Variants in BBS2 observed in about 807,000 individuals in gnomAD.
BBS2 encodes the protein Bardet-Biedl syndrome 2.
Under a neutral mutation model 83.0 loss-of-function variants are expected in BBS2, and 62 were observed. That is an observed-to-expected ratio of 0.75 (90% CI 0.61 to 0.92). The LOEUF is 0.92. BBS2 is among the 40% of genes least tolerant of loss of function. The pLI is 0.00. For synonymous variants in BBS2, 303 were observed against 326.1 expected (o/e 0.93, Z 0.76); for missense variants, 784 against 901.0 (o/e 0.87, Z 1.66).
chr16:56,498,812 T>C, intron 12 of BBS2: 2 of 1,023,556 alleles, frequency 2.0e-6, no homozygotes, highest in Non-Finnish European at 2.7e-6. Flanking sequence ...CATTCATAAT[T>C]ATGCCTGGCC....
chr16:56,471,742 T>C (rs1963196208), intron 17 of BBS2, among the ~76,000 whole-genome samples: 1 of 152,236 alleles, frequency 6.6e-6, no homozygotes, highest in African/African-American at 2.4e-5. Flanking sequence ...CAAAACTGAC[T>C]GAACAGTCAC....
At chr16:56,475,478 C>G (rs375629494) in intron 17 of BBS2, 2 of 1,609,442 alleles carry the variant, frequency 1.2e-6, no homozygotes, top group African/African-American at 2.7e-5. Flanking sequence ...TAGGAGCTTT[C>G]TGAATGCTGT....
At chr16:56,507,861 G>C (rs1233531284) in intron 5 of BBS2, among the ~76,000 whole-genome samples, 1 of 152,050 alleles carries the variant, frequency 6.6e-6, no homozygotes, top group Non-Finnish European at 1.5e-5. Context: ...CCAGCTACTC[G>C]GGAGGCTGAG....
intron 5 of BBS2, among the ~76,000 whole-genome samples, chr16:56,508,102 ATAT>A (rs1402099803): frequency 1.3e-5 from 2 of 152,256 alleles, no homozygotes; most frequent in African/African-American, 4.8e-5. Context: ...AACTGTGAAT[ATAT>A]AAAAAGTATA....
Position 56,501,564 on chromosome 16 carries a change from A to C in BBS2, c.1081-67T>G, listed in dbSNP as rs1224766113. ...ACTGAACTAATATCAATTTTAAATA[A>C]TATTGCTATTCAGCTTCAAAAGACA... On this transcript the variant is annotated intron_variant, in intron 9 of 16. Transcript: ENST00000245157. The C allele has an allele frequency of 2.5e-6, 4 of 1,596,152 alleles. No individual in the cohort carries two copies. In the African/African-American group the frequency reaches 4.0e-5, roughly 16 times the overall value.
intron 9 of BBS2, 91 bp downstream of exon 9, chr16:56,502,226 G>C: frequency 6.4e-7 from 1 of 1,556,478 alleles, no homozygotes; most frequent in Non-Finnish European, 8.9e-7. Flanking sequence ...CCCTGGCAAT[G>C]ACACTCTCAT....
downstream of BBS2, among the ~76,000 whole-genome samples, chr16:56,480,359 A>AAAAACAAAAAAC (rs1555519793): frequency 7.7e-5 from 11 of 142,860 alleles, no homozygotes; most frequent in East Asian, 4.1e-4. Context: ...ACACAAAAAA[A>AAAAACAAAAAAC]AAAAAACAAA....
chr16:56,518,402 T>C (rs1964811975), intron 1 of BBS2, among the ~76,000 whole-genome samples: 1 of 152,216 alleles, frequency 6.6e-6, no homozygotes, highest in African/African-American at 2.4e-5. Context: ...CTCTCTGAAC[T>C]GCAATTTCTA....
Position 56,499,855 on chromosome 16 carries a change from A to T in BBS2, c.1450T>A (p.Tyr484Asn). ...STRQLPRFSM[Y>N]ALTSLDPASE... is the part of the protein sequence containing the mutation. ...GCAGGGTCCAGGCTGGTCAGCGCAT[A>T]CATGGAGAATCGAGGGAGCTGTCTT... is the stretch of plus-strand genomic sequence containing the variant. The change falls in exon 12 of 17, where the codon TAT becomes AAT. Residue 484 changes from tyrosine to asparagine, a missense_variant. Physicochemically the swap from Tyr to Asn is moderately radical, Grantham distance 143. Coordinates refer to ENST00000245157, the MANE Select transcript of BBS2 (RefSeq NM_031885.5). 6.2e-7 allele frequency: 1 copy of T among 1,614,202 alleles called. No individual in the cohort carries two copies. The highest frequency in any genetic ancestry group is 8.5e-7 in the Non-Finnish European group (1 of 1,180,028).
chr16:56,490,072 T>G (rs1224820330), intron 15 of BBS2, among the ~76,000 whole-genome samples: 1 of 151,700 alleles, frequency 6.6e-6, no homozygotes, highest in Non-Finnish European at 1.5e-5. Context: ...AGCTGTGATC[T>G]CTCTGCACTC....
chr16:56,511,432 C>T (rs1214543719), intron 2 of BBS2, 148 bp from the exon 3 acceptor site: 1 of 1,005,604 alleles, frequency 9.9e-7, no homozygotes, highest in African/African-American at 1.6e-5. Flanking sequence ...ATTAACTGGC[C>T]CACGCACATA....
intron 15 of BBS2, among the ~76,000 whole-genome samples, chr16:56,495,335 T>C (rs1378284453): frequency 6.6e-6 from 1 of 152,140 alleles, no homozygotes; most frequent in Non-Finnish European, 1.5e-5. Context: ...CAATCAAAAA[T>C]TGCATGCTTC....
At chr16:56,470,600 T>C in exon 18 of BBS2, 1 of 1,614,216 alleles carries the variant, frequency 6.2e-7, no homozygotes, top group African/African-American at 1.3e-5. Context: ...GGCCTGAAGC[T>C]TCATTTCTTG....
intron 7 of BBS2, among the ~76,000 whole-genome samples, chr16:56,503,693 G>A (rs1964342649): frequency 6.6e-6 from 1 of 152,256 alleles, no homozygotes; most frequent in Non-Finnish European, 1.5e-5. Flanking sequence ...GCCGAGGCAG[G>A]CGGATCACGA....
chr16:56,485,879 G>T (rs1963763415), intron 15 of BBS2, 141 bp from the exon 16 acceptor site: 3 of 749,060 alleles, frequency 4.0e-6, no homozygotes, highest in Non-Finnish European at 6.7e-6. Context: ...CTGCTAGTTT[G>T]CTTTGAAAAT....
chr16:56,511,149 T>C lies in BBS2; in HGVS notation c.471+10A>G, dbSNP rs1342804095. The C allele has an allele frequency of 6.2e-7, 1 of 1,613,992 alleles. No individual in the cohort carries two copies. Among genetic ancestry groups the C allele is most frequent in the Non-Finnish European group, 8.5e-7 (1 of 1,180,012 alleles). ...TAAGGGTACCAAAAAGAATGTTTTC[T>C]TCTTCATACCGTCCAAAAGAGATCA... On this transcript the variant is annotated intron_variant, in intron 3 of 16. Transcript: ENST00000245157.
chr16:56,498,706 G>T, intron 12 of BBS2, 138 bp from the exon 13 acceptor site: 15 of 1,132,184 alleles, frequency 1.3e-5, no homozygotes, highest in East Asian at 6.8e-5. Flanking sequence ...GCTTTGTTGA[G>T]AAAAAAAAAA....
In BBS2 at chr16:56,493,300, C is replaced by A. The variant is rs531488745; in HGVS notation, c.1910+3667G>T. ...ACTCAGGAGGCTGAGGTGAGATGAT[C>A]CCTTGAGCCCGGGTGGTTGAAGCTG... On this transcript the variant is annotated intron_variant, in intron 15 of 16. Coordinates refer to ENST00000245157, the MANE Select transcript of BBS2 (RefSeq NM_031885.5). Among the ~76,000 whole-genome samples the A allele has an allele frequency of 1.1e-4, 17 of 151,148 alleles. No individual in the cohort carries two copies. The East Asian group carries it at 3.3e-3, about 29-fold the overall frequency.
rs750209438 is a variant in BBS2 at position 56,499,913 on chromosome 16, G to A, written c.1398-6C>T. On this transcript the variant is annotated splice_polypyrimidine_tract_variant and splice_region_variant and intron_variant, in intron 11 of 16. Coordinates refer to ENST00000245157, the MANE Select transcript of BBS2 (RefSeq NM_031885.5). Reference sequence around the variant, plus strand: ...CAAATACATGAAACTGGGTGCTATGGCCAATCAATGAAACACAAGAGAATT... The same window carrying A: ...CAAATACATGAAACTGGGTGCTATGACCAATCAATGAAACACAAGAGAATT... 1 of 1,613,844 alleles carries A rather than the reference G, an allele frequency of 6.2e-7. No homozygotes were observed. The highest frequency in any genetic ancestry group is 8.5e-7 in the Non-Finnish European group (1 of 1,179,854).
Sources: allele counts gnomAD v4.1 joint callset (sites outside exome capture counted in the v4.1 genomes callset), GRCh38; gene constraint gnomAD v4.1.1; transcripts MANE v1.5; gene names NCBI Gene and HGNC (gene_info 2026-07-23, HGNC 2026-07-21).